Variants in RCOR1 observed in about 807,000 individuals in gnomAD.
The protein encoded by RCOR1 is REST corepressor.
In RCOR1, 12 loss-of-function variants were observed where a neutral mutation model predicts 64.0. The ratio of observed to expected loss-of-function variants is 0.19; its 90% CI spans 0.12 to 0.30. The LOEUF (loss-of-function observed/expected upper bound fraction) is 0.30. Ranked by LOEUF, RCOR1 falls within the 10% of genes least tolerant of loss-of-function variation. The probability of loss-of-function intolerance (pLI) is 1.00; values close to 1 mark genes in which losing one functional copy is unlikely to be tolerated. For synonymous variants in RCOR1, 279 were observed against 227.2 expected (o/e 1.23, Z -2.05); for missense variants, 502 against 621.2 (o/e 0.81, Z 2.04).
chr14:102,721,529 C>G, intron 10 of RCOR1, 152 bp downstream of exon 10: 1 of 441,552 alleles, frequency 2.3e-6, no homozygotes, highest in Non-Finnish European at 4.1e-6. Flanking sequence ...CCAGCCTGGA[C>G]AACAGAGGGA....
rs375810162 is a variant in RCOR1 at position 102,600,861 on chromosome 14, C to T, written c.361+7536C>T. Among the ~76,000 whole-genome samples, 18 of 151,372 alleles carry T rather than the reference C, an allele frequency of 1.2e-4. 1 individual carries two copies. The South Asian group carries it at 1.5e-3, about 12-fold the overall frequency. On this transcript the variant is annotated intron_variant, in intron 2 of 11. Transcript: ENST00000262241. Reference sequence around the variant, plus strand: ...CTGGGATTACAGGCGTGAGCCACCGCGCCCGGCTGCTAATTTTTGTATTCT... The same window carrying T: ...CTGGGATTACAGGCGTGAGCCACCGTGCCCGGCTGCTAATTTTTGTATTCT...
At chr14:102,598,444 GTTC>G (rs1893312172) in intron 2 of RCOR1, among the ~76,000 whole-genome samples, 2 of 139,078 alleles carry the variant, frequency 1.4e-5, no homozygotes, top group Non-Finnish European at 3.1e-5. Context: ...TCCTGATTCA[GTTC>G]TTTTTTTTTT....
intron 2 of RCOR1, among the ~76,000 whole-genome samples, chr14:102,602,174 G>A (rs1389438909): frequency 6.7e-6 from 1 of 149,116 alleles, no homozygotes; most frequent in Non-Finnish European, 1.5e-5. Context: ...AAAAAAAAAA[G>A]TGATAATATG....
rs1417280485 is a variant in RCOR1 at position 102,728,492 on chromosome 14, T to C, written c.*1986T>C. On this transcript the variant is annotated 3_prime_UTR_variant, in exon 12 of 12. Coordinates refer to ENST00000262241, the MANE Select transcript of RCOR1 (RefSeq NM_015156.4). ...AGGTATGAGCTGAAGCTTTAGGTTC[T>C]CCGTGCTTCCCTCAAGACCTCCTTC... The C allele has an allele frequency of 6.6e-6, 1 of 152,242 alleles. No individual in the cohort carries two copies. Among genetic ancestry groups the C allele is most frequent in the Admixed American group, 6.5e-5 (1 of 15,280 alleles). 9.4% of individuals were successfully genotyped at this position (152,242 alleles called of 1,614,324 possible).
rs183066333 is a variant in RCOR1 at position 102,606,150 on chromosome 14, T to C, written c.361+12825T>C. On this transcript the variant is annotated intron_variant, in intron 2 of 11. Coordinates refer to ENST00000262241, the MANE Select transcript of RCOR1 (RefSeq NM_015156.4). ...CATATTGGGCAGGCTGGCCTTGAACTCCCGACCTCAAGTGATCTGCCTGCT... is the reference window on the plus strand; with the variant it reads ...CATATTGGGCAGGCTGGCCTTGAACCCCCGACCTCAAGTGATCTGCCTGCT... 3.0e-4 allele frequency among the ~76,000 whole-genome samples: 45 copies of C among 152,280 alleles called. 1 individual carries two copies. Among genetic ancestry groups the C allele is most frequent in the Admixed American group, 2.8e-3 (42 of 15,272 alleles).
intron 2 of RCOR1, among the ~76,000 whole-genome samples, chr14:102,608,309 C>A (rs1202108680): frequency 1.3e-5 from 2 of 152,150 alleles, no homozygotes; most frequent in Admixed American, 1.3e-4. Context: ...GGGTATGTGA[C>A]CTTCATGTCT....
At chr14:102,639,782 C>G (rs1388080337) in intron 2 of RCOR1, among the ~76,000 whole-genome samples, 1 of 151,144 alleles carries the variant, frequency 6.6e-6, no homozygotes, top group African/African-American at 2.5e-5. Flanking sequence ...ATCTGCCCAC[C>G]TCAGCCTCCC....
intron 2 of RCOR1, among the ~76,000 whole-genome samples, chr14:102,614,242 T>G (rs1893700121): frequency 1.9e-5 from 2 of 103,330 alleles, no homozygotes; most frequent in Non-Finnish European, 4.2e-5. Context: ...TTTTTTTTTT[T>G]GAGACGGAGT....
rs903963734 is a variant in RCOR1 at position 102,727,571 on chromosome 14, G to C, written c.*1065G>C. On this transcript the variant is annotated 3_prime_UTR_variant, in exon 12 of 12. Coordinates refer to ENST00000262241, the MANE Select transcript of RCOR1 (RefSeq NM_015156.4). The stretch of plus-strand genomic sequence containing the variant: ...GCTGCGCGTTGTTCCGCGTTCTCTC[G>C]GTGTGCCTGGCCTTTTATGTGGCAC... The C allele has an allele frequency of 1.3e-5, 2 of 152,088 alleles. No homozygotes were observed. Among genetic ancestry groups the C allele is most frequent in the Admixed American group, 6.6e-5 (1 of 15,254 alleles). 9.4% of individuals were successfully genotyped at this position (152,088 alleles called of 1,614,324 possible). A position where few individuals can be genotyped will look rare whatever the true frequency, so the allele number is the denominator to read the frequency against.
chr14:102,707,261 G>T (rs774711593), intron 4 of RCOR1, 90 bp from the exon 5 acceptor site: 7 of 1,089,540 alleles, frequency 6.4e-6, no homozygotes, highest in Non-Finnish European at 9.2e-6. Context: ...GTCTAAATAT[G>T]AAGTCGTTTT....
intron 2 of RCOR1, among the ~76,000 whole-genome samples, chr14:102,652,915 T>A: frequency 6.6e-6 from 1 of 152,240 alleles, no homozygotes; most frequent in East Asian, 1.9e-4. Context: ...GTTACTCTTT[T>A]TATTTTTATT....
intron 2 of RCOR1, among the ~76,000 whole-genome samples, chr14:102,608,549 C>T (rs1489427050): frequency 2.0e-5 from 3 of 152,128 alleles, no homozygotes; most frequent in African/African-American, 7.2e-5. Flanking sequence ...ATTCTCCTGC[C>T]TCAGCCTCCC....
At chr14:102,649,188 A>G (rs567881904) in intron 2 of RCOR1, among the ~76,000 whole-genome samples, 12 of 152,320 alleles carry the variant, frequency 7.9e-5, no homozygotes, top group African/African-American at 2.9e-4. Flanking sequence ...AAAATCAGGT[A>G]AAACAAATTG....
chr14:102,643,426 A>G (rs551032096), intron 2 of RCOR1: 2 of 513,540 alleles, frequency 3.9e-6, no homozygotes, highest in East Asian at 1.5e-4. Flanking sequence ...TAGAGATGTC[A>G]CTAATGTTTT....
intron 3 of RCOR1, among the ~76,000 whole-genome samples, chr14:102,698,448 A>G (rs921038386): frequency 2.6e-5 from 4 of 152,210 alleles, no homozygotes; most frequent in African/African-American, 7.2e-5. Flanking sequence ...GTGATCATAC[A>G]TACATTCCTT....
intron 2 of RCOR1, among the ~76,000 whole-genome samples, chr14:102,649,292 C>G (rs767679539): frequency 6.6e-6 from 1 of 152,086 alleles, no homozygotes; most frequent in Non-Finnish European, 1.5e-5. Flanking sequence ...TAACACTGAA[C>G]TTAGGGAGCA....
intron 3 of RCOR1, among the ~76,000 whole-genome samples, chr14:102,694,750 T>C (rs1000303781): frequency 6.6e-6 from 1 of 152,238 alleles, no homozygotes; most frequent in African/African-American, 2.4e-5. Flanking sequence ...GCACAATTGC[T>C]TTACTTAAAT....
At chr14:102,673,203 TTTAAG>T (rs972832326) in intron 2 of RCOR1, among the ~76,000 whole-genome samples, 94 of 152,354 alleles carry the variant, frequency 6.2e-4, no homozygotes, top group African/African-American at 2.0e-3. Flanking sequence ...GTTTTCAACA[TTTAAG>T]TTATGATATT....
At chr14:102,702,975 G>GA (rs763740414) in intron 4 of RCOR1, among the ~76,000 whole-genome samples, 1 of 152,056 alleles carries the variant, frequency 6.6e-6, no homozygotes, top group Non-Finnish European at 1.5e-5. Context: ...GGAAGATACA[G>GA]AAAAAATCAA....
Sources: allele counts gnomAD v4.1 joint callset (sites outside exome capture counted in the v4.1 genomes callset), GRCh38; gene constraint gnomAD v4.1.1; transcripts MANE v1.5; gene names NCBI Gene and HGNC (gene_info 2026-07-23, HGNC 2026-07-21).